The following LIMD1 variants were observed in gnomAD, a reference collection of about 807,000 sequenced individuals.
The protein encoded by LIMD1 is LIM domain containing 1, also known as LIM domain-containing protein 1.
Under a neutral mutation model 58.4 loss-of-function variants are expected in LIMD1, and 23 were observed. The ratio of observed to expected loss-of-function variants is 0.39; its 90% confidence interval spans 0.28 to 0.56. The LOEUF is 0.56. LIMD1 is among the 20% of genes least tolerant of loss of function. The pLI is 0.57. For missense variants in LIMD1, 838 were observed against 855.5 expected (o/e 0.98, Z 0.25); for synonymous variants, 334 against 345.5 (o/e 0.97, Z 0.37).
intron 1 of LIMD1, among the ~76,000 whole-genome samples, chr3:45,611,636 C>G (rs1035417479): frequency 2.0e-5 from 3 of 152,168 alleles, no homozygotes; most frequent in Non-Finnish European, 2.9e-5. Flanking sequence ...GAGCCCTTTC[C>G]TGGGTATGGG....
intron 1 of LIMD1, among the ~76,000 whole-genome samples, chr3:45,604,935 C>G (rs1030456511): frequency 2.6e-5 from 4 of 152,194 alleles, no homozygotes; most frequent in Non-Finnish European, 4.4e-5. Flanking sequence ...GAACATGAAA[C>G]GGTTATTTTG....
At chr3:45,608,382 G>A (rs1406626728) in intron 1 of LIMD1, among the ~76,000 whole-genome samples, 1 of 152,158 alleles carries the variant, frequency 6.6e-6, no homozygotes, top group African/African-American at 2.4e-5. Context: ...GTGTATGGGC[G>A]GGGGCATCGC....
In LIMD1 at chr3:45,595,532, T is replaced by C. The variant is rs941302599; in HGVS notation, c.653T>C (p.Leu218Pro). ...AGCTCCCCGGGGAGTGACCCACCAC[T>C]GCCCAAACCCTGCGGGGACCATCCC... ...WPSSPGSDPP[L>P]PKPCGDHPLN... is the part of the protein sequence containing the mutation. The change falls in exon 1 of 8, where the codon CTG becomes CCG. Residue 218 changes from leucine (L) to proline (P), a missense_variant. Transcript: ENST00000273317. The C allele has an allele frequency of 6.2e-7, 1 of 1,613,932 alleles. No individual in the cohort carries two copies. Among genetic ancestry groups the C allele is most frequent in the African/African-American group, 1.3e-5 (1 of 74,892 alleles).
Position 45,596,125 on chromosome 3 carries a change from T to C in LIMD1, c.1246T>C (p.Ser416Pro). The change falls in exon 1 of 8, where the codon TCT becomes CCT. Residue 416 changes from serine (S) to proline (P), a missense_variant. Physicochemically the swap from Ser to Pro is moderately conservative, Grantham distance 74. Transcript: ENST00000273317. ...LGWSSDGSLG[S>P]VLLDSPSSPR... ...CTGGTCTTCTGATGGTAGCCTGGGATCTGTGCTCCTGGACAGCCCCAGCTC... is the reference window on the plus strand; with the variant it reads ...CTGGTCTTCTGATGGTAGCCTGGGACCTGTGCTCCTGGACAGCCCCAGCTC... 6.2e-7 allele frequency: 1 copy of C among 1,614,180 alleles called. No individual in the cohort carries two copies. Among genetic ancestry groups the C allele is most frequent in the Non-Finnish European group, 8.5e-7 (1 of 1,180,032 alleles).
chr3:45,681,815 C>T lies in LIMD1; in HGVS notation c.*4756C>T, dbSNP rs2125673125. 6.6e-6 allele frequency: 1 copy of T among 152,368 alleles called. No homozygotes were observed. Among genetic ancestry groups the T allele is most frequent in the South Asian group, 2.1e-4 (1 of 4,828 alleles). 9.4% of individuals were successfully genotyped at this position (152,368 alleles called of 1,614,324 possible). Reference sequence around the variant, plus strand: ...CCTTGGAGAATCATATCCCAAGAATCAGCAGTTTCTTTTACTGGACCTTTA... The same window carrying T: ...CCTTGGAGAATCATATCCCAAGAATTAGCAGTTTCTTTTACTGGACCTTTA... On this transcript the variant is annotated 3_prime_UTR_variant, in exon 8 of 8. Transcript: ENST00000273317.
At position 45,637,896 on chromosome 3, in the gene LIMD1, G is replaced by T. The variant is rs563434411; in HGVS notation, c.1510+1645G>T. Among the ~76,000 whole-genome samples the T allele has an allele frequency of 9.2e-5, 14 of 152,318 alleles. No homozygotes were observed. In the South Asian group the frequency reaches 1.9e-3, roughly 20 times the overall value. ...TACACATTGATCAGTGTTCACCTGT[G>T]TAGGGAAAGACTATGAGAATGTCCG... On this transcript the variant is annotated intron_variant, in intron 2 of 7. Coordinates refer to ENST00000273317, the MANE Select transcript of LIMD1 (RefSeq NM_014240.3).
chr3:45,630,713 G>A (rs1403320576), intron 1 of LIMD1, among the ~76,000 whole-genome samples: 1 of 151,386 alleles, frequency 6.6e-6, no homozygotes, highest in Non-Finnish European at 1.5e-5. Flanking sequence ...CCTCATGATG[G>A]GGGGGGTTGG....
intron 4 of LIMD1, among the ~76,000 whole-genome samples, chr3:45,672,065 G>A (rs374344265): frequency 6.6e-6 from 1 of 152,124 alleles, no homozygotes; most frequent in Non-Finnish European, 1.5e-5. Context: ...CCTCTATTGC[G>A]TTTAAAAACA....
chr3:45,646,856 G>A (rs900273544), intron 2 of LIMD1, among the ~76,000 whole-genome samples: 2 of 151,950 alleles, frequency 1.3e-5, no homozygotes, highest in Non-Finnish European at 2.9e-5. Context: ...TGTAGAGTTG[G>A]AGTCCCACTA....
intron 1 of LIMD1, among the ~76,000 whole-genome samples, chr3:45,612,068 G>GCGCGCTCT (rs1553643061): frequency 1.1e-5 from 1 of 89,312 alleles, no homozygotes; most frequent in Admixed American, 1.3e-4. Flanking sequence ...TTGCAGGTGC[G>GCGCGCTCT]CGCTCTCTCT....
intron 1 of LIMD1, among the ~76,000 whole-genome samples, chr3:45,631,243 T>C (rs1215271507): frequency 6.6e-6 from 1 of 151,314 alleles, no homozygotes; most frequent in South Asian, 2.1e-4. Flanking sequence ...GAAAAAAATA[T>C]CTGTGAGTCC....
rs267236 is a variant in LIMD1 at position 45,595,947 on chromosome 3, T to C, written c.1068T>C (p.Gly356=). The C allele has an allele frequency of 0.64, 1,033,335 of 1,614,046 alleles. 334,145 individuals carry two copies. Among genetic ancestry groups the C allele is most frequent in the East Asian group, 0.91 (41,003 of 44,876 alleles). The change falls in exon 1 of 8, where the codon GGT becomes GGC. Residue 356 remains glycine, a synonymous_variant. Coordinates refer to ENST00000273317, the MANE Select transcript of LIMD1 (RefSeq NM_014240.3). ...SSSAPSSSPA[G]LDGSQQGAVP... ...CTGCCCCGTCATCCTCGCCAGCTGGTCTGGACGGTTCACAGCAGGGTGCGG... is the reference window on the plus strand; with the variant it reads ...CTGCCCCGTCATCCTCGCCAGCTGGCCTGGACGGTTCACAGCAGGGTGCGG...
chr3:45,603,748 C>T (rs946205035), intron 1 of LIMD1, among the ~76,000 whole-genome samples: 13 of 152,140 alleles, frequency 8.5e-5, no homozygotes, highest in Admixed American at 8.5e-4. Context: ...AGTGATCTCC[C>T]ACCTCAGCCT....
intron 1 of LIMD1, among the ~76,000 whole-genome samples, chr3:45,614,792 T>C (rs1346116079): frequency 6.6e-6 from 1 of 151,506 alleles, no homozygotes; most frequent in Non-Finnish European, 1.5e-5. Flanking sequence ...TTGCCGTTTT[T>C]TAAACCTTAA....
At chr3:45,665,897 T>C (rs17078174) in intron 3 of LIMD1, among the ~76,000 whole-genome samples, 180 bp downstream of exon 3, 6,356 of 152,276 alleles carry the variant, frequency 0.042, 148 homozygotes, top group African/African-American at 0.069. Context: ...ACCACACAGC[T>C]TTGTACTTTG....
Position 45,603,462 on chromosome 3 carries a change from A to T in LIMD1, c.1408+7175A>T, listed in dbSNP as rs1010420531. Among the ~76,000 whole-genome samples the T allele has an allele frequency of 2.0e-5, 3 of 151,974 alleles. No individual in the cohort carries two copies. In the South Asian group the frequency reaches 6.2e-4, roughly 32 times the overall value. ...GTGACTGGCATGACTAGATATGATG[A>T]CGTGGGGACTGCCACCAGAATGCCT... On this transcript the variant is annotated intron_variant, in intron 1 of 7. Coordinates refer to ENST00000273317, the MANE Select transcript of LIMD1 (RefSeq NM_014240.3).
At chr3:45,630,977 G>A (rs1432869085) in intron 1 of LIMD1, among the ~76,000 whole-genome samples, 1 of 152,274 alleles carries the variant, frequency 6.6e-6, no homozygotes, top group Admixed American at 6.5e-5. Context: ...GCCGAGGCGG[G>A]CGGATCACCT....
At chr3:45,660,860 C>A (rs929978877) in intron 2 of LIMD1, among the ~76,000 whole-genome samples, 1 of 152,180 alleles carries the variant, frequency 6.6e-6, no homozygotes, top group South Asian at 2.1e-4. Context: ...TCTAAAACTT[C>A]GAGTTCTCTG....
Position 45,649,087 on chromosome 3 carries a change from T to C in LIMD1, c.1510+12836T>C, listed in dbSNP as rs184827113. On this transcript the variant is annotated intron_variant, in intron 2 of 7. Coordinates refer to ENST00000273317, the MANE Select transcript of LIMD1 (RefSeq NM_014240.3). ...CTTTTTTTCTTTTTTTGCCAGTGTT[T>C]TGGTGCTTTTTGTAGGAAAACATTG... Among the ~76,000 whole-genome samples, 469 of 152,334 alleles carry C rather than the reference T, an allele frequency of 3.1e-3. 2 individuals are homozygous for C. Among genetic ancestry groups the C allele is most frequent in the Non-Finnish European group, 3.5e-3 (238 of 68,032 alleles).
Sources: gnomAD v4.1 joint callset for allele counts (sites outside exome capture counted in the v4.1 genomes callset) on GRCh38, gnomAD v4.1.1 for gene constraint, MANE v1.5 for transcripts, NCBI Gene and HGNC (gene_info 2026-07-23, HGNC 2026-07-21) for gene names.